Variants in PDE3B observed in about 807,000 individuals in gnomAD.
PDE3B encodes the protein cGMP-inhibited 3',5'-cyclic phosphodiesterase 3B.
PDE3B carries 66 observed loss-of-function variants against 116.8 expected under a neutral mutation model. The ratio of observed to expected loss-of-function variants is 0.56; its 90% CI spans 0.46 to 0.69. The LOEUF (loss-of-function observed/expected upper bound fraction) is 0.69, where lower values mean the gene tolerates loss of function less well. Ranked by LOEUF, PDE3B falls within the 30% of genes least tolerant of loss-of-function variation. The pLI is 0.00. For missense variants in PDE3B, 1,384 were observed against 1,368.1 expected (o/e 1.01, Z -0.18); for synonymous variants, 595 against 533.6 (o/e 1.12, Z -1.59).
chr11:14,730,257 A>G (rs915305568), intron 1 of PDE3B, among the ~76,000 whole-genome samples: 1 of 152,182 alleles, frequency 6.6e-6, no homozygotes, highest in Non-Finnish European at 1.5e-5. Context: ...AAGGTCACAT[A>G]CTAATACTGT....
At chr11:14,788,424 A>G (rs756659069) in intron 3 of PDE3B, among the ~76,000 whole-genome samples, 7 of 151,956 alleles carry the variant, frequency 4.6e-5, no homozygotes, top group Non-Finnish European at 1.0e-4. Flanking sequence ...TCCTTGGGAA[A>G]ACTGAAATAT....
At chr11:14,735,457 G>A (rs1298535011) in intron 1 of PDE3B, among the ~76,000 whole-genome samples, 1 of 152,078 alleles carries the variant, frequency 6.6e-6, no homozygotes, top group Non-Finnish European at 1.5e-5. Context: ...TATATAGAGA[G>A]AATATTACAA....
At chr11:14,897,363 C>A in the PDE3B span, among the ~76,000 whole-genome samples, 4 of 152,132 alleles carry the variant, frequency 2.6e-5, no homozygotes, top group African/African-American at 7.2e-5. Flanking sequence ...GCCTCTGGCC[C>A]CTCTCTCCCT....
chr11:14,872,094 T>C (rs1416499881), downstream of PDE3B: 2 of 152,228 alleles, frequency 1.3e-5, no homozygotes, highest in Non-Finnish European at 2.9e-5. Context: ...ACTTACTTTG[T>C]TGGTGCTATT....
chr11:14,887,447 G>A, the PDE3B span: 1 of 308,772 alleles, frequency 3.2e-6, no homozygotes, highest in African/African-American at 2.3e-5. Context: ...AGTTTTCAAG[G>A]ACTTTTGGTA....
chr11:14,649,808 G>A (rs544289087), intron 1 of PDE3B, among the ~76,000 whole-genome samples: 77 of 152,300 alleles, frequency 5.1e-4, no homozygotes, highest in African/African-American at 1.8e-3. Flanking sequence ...AGGAGAGTAG[G>A]AAGAATGGAA....
chr11:14,829,593 A>G (rs1181349358), intron 7 of PDE3B, among the ~76,000 whole-genome samples: 2 of 152,192 alleles, frequency 1.3e-5, no homozygotes, highest in Admixed American at 6.6e-5. Flanking sequence ...AAACTAACAT[A>G]GGAACAGAAA....
chr11:14,858,241 C>G (rs999066008), intron 12 of PDE3B, among the ~76,000 whole-genome samples: 2 of 148,384 alleles, frequency 1.3e-5, no homozygotes, highest in African/African-American at 5.0e-5. Flanking sequence ...AATTTTTATC[C>G]CTGGCCTTTA....
intron 1 of PDE3B, among the ~76,000 whole-genome samples, chr11:14,666,111 C>T (rs1375992474): frequency 6.0e-5 from 9 of 150,282 alleles, no homozygotes; most frequent in African/African-American, 2.0e-4. Flanking sequence ...CAGAACAGAG[C>T]CCTCAGAAAT....
chr11:14,745,274 G>A (rs1856881882), intron 1 of PDE3B, among the ~76,000 whole-genome samples: 1 of 152,082 alleles, frequency 6.6e-6, no homozygotes, highest in Admixed American at 6.5e-5. Flanking sequence ...AATTTTAGTG[G>A]TTCTTTAAAA....
At chr11:14,716,286 C>T (rs925359568) in intron 1 of PDE3B, among the ~76,000 whole-genome samples, 1 of 152,174 alleles carries the variant, frequency 6.6e-6, no homozygotes, top group Non-Finnish European at 1.5e-5. Flanking sequence ...CGGAATCTCG[C>T]TGATTGCTAG....
chr11:14,779,255 T>A (rs1358326625), intron 2 of PDE3B, among the ~76,000 whole-genome samples: 1 of 152,150 alleles, frequency 6.6e-6, no homozygotes, highest in Non-Finnish European at 1.5e-5. Flanking sequence ...CAGGATATTA[T>A]CCAGGAGAAC....
At chr11:14,872,210 C>G (rs1848151099), downstream of PDE3B, among the ~76,000 whole-genome samples, 1 of 152,114 alleles carries the variant, frequency 6.6e-6, no homozygotes, top group Non-Finnish European at 1.5e-5. Context: ...ACACACTTCA[C>G]AAAAGAGATG....
In PDE3B at chr11:14,644,181, G is replaced by A; in HGVS notation, c.106G>A (p.Val36Met). 6.3e-7 allele frequency: 1 copy of A among 1,597,210 alleles called. No homozygotes were observed. The change falls in exon 1 of 16, where the codon GTG becomes ATG. Residue 36 changes from valine to methionine, a missense_variant. By Grantham distance (21) the Val-to-Met change is conservative. Around this residue, in one of 2 missense-constraint regions of PDE3B, gnomAD observed 956 missense variants for 806.8 expected, o/e 1.18. Coordinates refer to ENST00000282096, the MANE Select transcript of PDE3B (RefSeq NM_000922.4). ...SLRNGYVKSCVSPLRQDPPRG... is the reference protein window; with the variant it reads ...SLRNGYVKSCMSPLRQDPPRG... ...GAGGAACGGCTACGTGAAGAGCTGC[G>A]TGAGCCCCTTGCGGCAGGACCCTCC...
chr11:14,896,452 A>G, the PDE3B span, among the ~76,000 whole-genome samples: 4 of 152,174 alleles, frequency 2.6e-5, no homozygotes, highest in African/African-American at 9.7e-5. Context: ...TTTACATTCT[A>G]TTGGGGGATG....
chr11:14,817,443 G>T (rs1381240420), intron 5 of PDE3B, among the ~76,000 whole-genome samples: 1 of 150,672 alleles, frequency 6.6e-6, no homozygotes, highest in African/African-American at 2.4e-5. Context: ...AATTAAAAAA[G>T]AAAAAAAAAG....
intron 2 of PDE3B, chr11:14,776,507 G>A (rs1857789632): frequency 6.6e-6 from 1 of 152,476 alleles, no homozygotes; most frequent in Non-Finnish European, 1.5e-5. Context: ...CTGTGGACTA[G>A]TGGGAACCCA....
At chr11:14,818,699 A>G (rs538613654) in intron 6 of PDE3B, among the ~76,000 whole-genome samples, 204 of 152,134 alleles carry the variant, frequency 1.3e-3, no homozygotes, top group South Asian at 8.3e-3. Context: ...TTATTTATCT[A>G]GTAGTTTTTA....
At chr11:14,814,849 C>T (rs1859268507) in intron 5 of PDE3B, among the ~76,000 whole-genome samples, 1 of 152,014 alleles carries the variant, frequency 6.6e-6, no homozygotes, top group African/African-American at 2.4e-5. Flanking sequence ...GTAGTCCCAG[C>T]TACTTGGGAA....
Sources: allele counts gnomAD v4.1 joint callset (sites outside exome capture counted in the v4.1 genomes callset), GRCh38; gene constraint gnomAD v4.1.1; regional missense constraint gnomAD v4.1.1; transcripts MANE v1.5; gene names NCBI Gene and HGNC (gene_info 2026-07-23, HGNC 2026-07-21).